ZNF462: variants seen among roughly 807,000 people sequenced by gnomAD.
ZNF462 encodes the protein zinc finger PBX1-interacting protein.
Under a neutral mutation model 201.9 loss-of-function variants are expected in ZNF462, and 10 were observed. That is an observed-to-expected ratio of 0.05 (90% confidence interval 0.03 to 0.08). ZNF462 has a LOEUF of 0.08. Among genes scored for constraint, ZNF462 ranks in the 10% least tolerant of loss-of-function variants. The probability of loss-of-function intolerance (pLI) is 1.00; values close to 1 mark genes in which losing one functional copy is unlikely to be tolerated. For missense variants in ZNF462, 2,523 were observed against 3,168.3 expected (o/e 0.80, Z 4.89); for synonymous variants, 1,227 against 1,193.3 (o/e 1.03, Z -0.58).
At chr9:106,982,083 G>A (rs910619703) in intron 9 of ZNF462, among the ~76,000 whole-genome samples, 1 of 152,152 alleles carries the variant, frequency 6.6e-6, no homozygotes, top group Admixed American at 6.5e-5. Context: ...CAGCATGGGG[G>A]CAGTTCCCCG....
chr9:106,969,086 A>C (rs1832211648), intron 7 of ZNF462, among the ~76,000 whole-genome samples: 1 of 152,188 alleles, frequency 6.6e-6, no homozygotes, highest in African/African-American at 2.4e-5. Flanking sequence ...CGAGAGCGAA[A>C]TTGAGAATGT....
At chr9:106,904,144 C>G (rs1032696379) in intron 1 of ZNF462, among the ~76,000 whole-genome samples, 4 of 150,704 alleles carry the variant, frequency 2.7e-5, no homozygotes, top group Non-Finnish European at 4.4e-5. Context: ...ATTCTCCCAG[C>G]ATTTGTTTGT....
Position 106,928,724 on chromosome 9 carries a change from A to C in ZNF462, c.4812A>C (p.Glu1604Asp). The change falls in exon 3 of 13, where the codon GAA becomes GAC. Residue 1604 changes from glutamate (E) to aspartate (D), a missense_variant. Glu to Asp is a conservative substitution (Grantham distance 45). This residue lies in a region of ZNF462 where 200 missense variants were observed against 281.3 expected (regional missense o/e 0.71). Transcript: ENST00000277225. The surrounding 1 kb of genome is among the most constrained non-coding windows in gnomAD (Gnocchi z 9.3). ...IHYEKYHNQP[E>D]FDVFSQSPPK... ...ACGAGAAGTATCACAATCAGCCTGA[A>C]TTTGATGTCTTTTCCCAGTCGCCCC... The C allele has an allele frequency of 1.2e-6, 2 of 1,614,084 alleles. No homozygotes were observed. The highest frequency in any genetic ancestry group is 1.7e-6 in the Non-Finnish European group (2 of 1,180,022).
chr9:106,904,342 C>G (rs939129858), intron 1 of ZNF462, among the ~76,000 whole-genome samples: 1 of 152,162 alleles, frequency 6.6e-6, no homozygotes, highest in African/African-American at 2.4e-5. Flanking sequence ...CCTGGTGCTT[C>G]TGTCTCACAG....
At chr9:106,999,324 G>C (rs866252446) in intron 10 of ZNF462, among the ~76,000 whole-genome samples, 2 of 152,058 alleles carry the variant, frequency 1.3e-5, no homozygotes, top group Admixed American at 1.3e-4. Flanking sequence ...AAATATATGG[G>C]AACTTTTATA....
chr9:106,991,839 T>TACACACACACACAC (rs200978759), intron 10 of ZNF462, among the ~76,000 whole-genome samples: 8 of 136,348 alleles, frequency 5.9e-5, no homozygotes, highest in African/African-American at 1.7e-4. Context: ...CAGCACTCTC[T>TACACACACACACAC]ACACACACAC....
chr9:106,943,127 CAGAA>C (rs1172216562), intron 7 of ZNF462, among the ~76,000 whole-genome samples: 1 of 148,792 alleles, frequency 6.7e-6, no homozygotes, highest in African/African-American at 2.5e-5. Context: ...CCAGAGAAAA[CAGAA>C]AGAACACTTG....
At chr9:106,878,910 C>G (rs1275591193) in intron 1 of ZNF462, among the ~76,000 whole-genome samples, 3 of 152,158 alleles carry the variant, frequency 2.0e-5, no homozygotes, top group Admixed American at 2.0e-4. Flanking sequence ...TCATTTTCAT[C>G]TTAGCAACCC....
In ZNF462 at chr9:107,003,963, T is replaced by G. The variant is rs1829375134; in HGVS notation, c.7189+537T>G. Among the ~76,000 whole-genome samples, 1 of 152,188 alleles carries G rather than the reference T, an allele frequency of 6.6e-6. No individual in the cohort carries two copies. The highest frequency in any genetic ancestry group is 1.5e-5 in the Non-Finnish European group (1 of 68,032). On this transcript the variant is annotated intron_variant, in intron 11 of 12. Coordinates refer to ENST00000277225, the MANE Select transcript of ZNF462 (RefSeq NM_021224.6). The surrounding 1 kb of genome is among the most constrained non-coding windows in gnomAD (Gnocchi z 4.4). ...AGGAGAGAGAAAGAGAGACCACCTC[T>G]TTCATTCAACTATGTATTTACAGAA...
chr9:106,925,565 A>G lies in ZNF462; in HGVS notation c.1653A>G (p.Pro551=), dbSNP rs758604125. ...QPPQPPPPPP[P]PPPSQPQPLQ... is the part of the protein sequence containing the mutation. ...CGCAGCCACCACCACCGCCGCCGCC[A>G]CCACCACCATCACAGCCACAGCCAC... The change falls in exon 3 of 13, where the codon CCA becomes CCG. Residue 551 remains proline (P), a synonymous_variant. Coordinates refer to ENST00000277225, the MANE Select transcript of ZNF462 (RefSeq NM_021224.6). The surrounding 1 kb of genome is among the most constrained non-coding windows in gnomAD (Gnocchi z 7.9). 6.2e-6 allele frequency: 10 copies of G among 1,610,288 alleles called. No homozygotes were observed. The highest frequency in any genetic ancestry group is 4.2e-6 in the Non-Finnish European group (5 of 1,178,400).
intron 7 of ZNF462, among the ~76,000 whole-genome samples, chr9:106,953,589 A>G (rs1011020622): frequency 1.3e-5 from 2 of 151,882 alleles, no homozygotes; most frequent in African/African-American, 4.8e-5. Context: ...TGTTTTTGCC[A>G]TGTTTCTCCT....
rs1830101819 is a variant in ZNF462, at chr9:106,924,341, T to G, written c.429T>G (p.Pro143=). The G allele has an allele frequency of 6.2e-7, 1 of 1,614,040 alleles. No homozygotes were observed. Among genetic ancestry groups the G allele is most frequent in the African/African-American group, 1.3e-5 (1 of 74,936 alleles). ...CTGAAGGGAGTTCATCAGGACCCCC[T>G]GTCCCGGGATCCTTAAATTATAATA... is the stretch of plus-strand genomic sequence containing the variant. ...AQAEGSSSGP[P]VPGSLNYNIM... Residue 143 remains proline, a synonymous_variant, in exon 3 of 13, where the codon CCT becomes CCG. Transcript: ENST00000277225. The surrounding 1 kb of genome is among the most constrained non-coding windows in gnomAD (Gnocchi z 6.2).
In ZNF462 at chr9:106,928,435, A is replaced by C. The variant is rs1287977349; in HGVS notation, c.4523A>C (p.Asp1508Ala). ...GCTGCTGACTTTGCCCAGGACATTG[A>C]CATCAACCCAGGTGCCGTCTACAAA... ...VKAADFAQDI[D>A]INPGAVYKCR... Residue 1508 changes from aspartate to alanine, a missense_variant, in exon 3 of 13, where the codon GAC becomes GCC. By Grantham distance (126) the Asp-to-Ala change is moderately radical (BLOSUM62 -2). Coordinates refer to ENST00000277225, the MANE Select transcript of ZNF462 (RefSeq NM_021224.6). This position sits in a 1 kb window ranked among gnomAD's most constrained non-coding sequence, Gnocchi z 9.3. 1 of 1,614,000 alleles carries C rather than the reference A, an allele frequency of 6.2e-7. No homozygotes were observed. The highest frequency in any genetic ancestry group is 1.7e-5 in the Admixed American group (1 of 60,002).
intron 1 of ZNF462, among the ~76,000 whole-genome samples, chr9:106,922,777 G>A (rs1026702432): frequency 6.6e-6 from 1 of 152,132 alleles, no homozygotes; most frequent in Admixed American, 6.5e-5. Context: ...GGAAAGAGAG[G>A]TGCACCCCAA....
intron 1 of ZNF462, among the ~76,000 whole-genome samples, chr9:106,907,268 A>C (rs1454261393): frequency 6.6e-6 from 1 of 152,092 alleles, no homozygotes; most frequent in Non-Finnish European, 1.5e-5. Flanking sequence ...TAAGCTCTGT[A>C]ATCTGTGTCA....
intron 7 of ZNF462, among the ~76,000 whole-genome samples, chr9:106,958,494 C>T (rs1831681096): frequency 6.6e-6 from 1 of 152,130 alleles, no homozygotes; most frequent in African/African-American, 2.4e-5. Flanking sequence ...TTCCTGGAAT[C>T]CCTTTCTCCA....
Position 106,924,127 on chromosome 9 carries a change from C to T in ZNF462, c.221-6C>T. On this transcript the variant is annotated splice_polypyrimidine_tract_variant and splice_region_variant and intron_variant, in intron 2 of 12. Coordinates refer to ENST00000277225, the MANE Select transcript of ZNF462 (RefSeq NM_021224.6). The surrounding 1 kb of genome is among the most constrained non-coding windows in gnomAD (Gnocchi z 6.2). ...CTTTGTCACTTTCCTTATGCTTTTTCTTTAGGTCAAAATGCAACTTCATTG... is the reference window on the plus strand; with the variant it reads ...CTTTGTCACTTTCCTTATGCTTTTTTTTTAGGTCAAAATGCAACTTCATTG... 6.3e-7 allele frequency: 1 copy of T among 1,584,304 alleles called. No individual in the cohort carries two copies. The highest frequency in any genetic ancestry group is 1.9e-5 in the Admixed American group (1 of 53,120).
At chr9:106,934,811 G>C (rs569410446) in intron 5 of ZNF462, among the ~76,000 whole-genome samples, 50 of 152,170 alleles carry the variant, frequency 3.3e-4, no homozygotes, top group Non-Finnish European at 5.6e-4. Flanking sequence ...TGAAGTACTA[G>C]GGGTTCGTTG....
chr9:106,923,706 T>G lies in ZNF462; in HGVS notation c.220+103T>G. On this transcript the variant is annotated intron_variant, in intron 2 of 12. Coordinates refer to ENST00000277225, the MANE Select transcript of ZNF462 (RefSeq NM_021224.6). The surrounding 1 kb of genome is among the most constrained non-coding windows in gnomAD (Gnocchi z 5.6). ...TAATATACGTGGCTTTTGCAGAGTT[T>G]CTTGTGCTTTGCTAGCCATTTTTGT... 8.4e-7 allele frequency: 1 copy of G among 1,194,288 alleles called. No homozygotes were observed. Among genetic ancestry groups the G allele is most frequent in the Non-Finnish European group, 1.2e-6 (1 of 843,228 alleles). The allele number at this position is 1,194,288 out of a possible 1,614,324, so 74.0% of individuals were successfully genotyped here.
Sources: allele counts gnomAD v4.1 joint callset (sites outside exome capture counted in the v4.1 genomes callset), GRCh38; gene constraint gnomAD v4.1.1; regional missense constraint gnomAD v4.1.1; non-coding constraint Gnocchi (gnomAD v3.1); transcripts MANE v1.5; gene names NCBI Gene and HGNC (gene_info 2026-07-23, HGNC 2026-07-21).